The following CYP7A1 variants were observed in gnomAD, a reference collection of about 807,000 sequenced individuals.
CYP7A1 encodes cytochrome P450 family 7 subfamily A member 1.
In CYP7A1, 28 loss-of-function variants were observed where a neutral mutation model predicts 43.8. The observed-to-expected ratio is 0.64, with a 90% CI of 0.47 to 0.88. CYP7A1 has a LOEUF of 0.88. CYP7A1 is among the 40% of genes least tolerant of loss of function. CYP7A1 has a pLI of 0.00. For synonymous variants in CYP7A1, 227 were observed against 222.5 expected (o/e 1.02, Z -0.18); for missense variants, 637 against 611.9 (o/e 1.04, Z -0.43).
chr8:58,498,609 T>C, intron 1 of CYP7A1, 140 bp from the exon 2 acceptor site: 1 of 820,540 alleles, frequency 1.2e-6, no homozygotes, highest in Non-Finnish European at 2.0e-6. Flanking sequence ...GGATGGGCCC[T>C]GCTCTTTTAC....
chr8:58,496,968 C>A lies in CYP7A1; in HGVS notation c.544G>T (p.Ala182Ser), dbSNP rs747138282. Residue 182 changes from alanine to serine, a missense_variant, in exon 3 of 6, where the codon GCT becomes TCT. Ala to Ser is a moderately conservative substitution (Grantham distance 99, BLOSUM62 1). Transcript: ENST00000301645. ...CTGCCAAAGATAGTTAAATACCCAG[C>A]TTCAAACATCACTCGGTAGCAGAAA... Reference protein sequence around the residue: ...YSFCYRVMFEAGYLTIFGRDL... With the variant: ...YSFCYRVMFESGYLTIFGRDL... 13 of 1,614,204 alleles carry A rather than the reference C, an allele frequency of 8.1e-6. No homozygotes were observed. The highest frequency in any genetic ancestry group is 5.9e-6 in the Non-Finnish European group (7 of 1,180,034).
intron 4 of CYP7A1, 146 bp from the exon 5 acceptor site, chr8:58,492,674 G>C (rs1809370716): frequency 3.0e-6 from 2 of 674,492 alleles, no homozygotes; most frequent in Non-Finnish European, 5.1e-6. Context: ...GATGAACAGG[G>C]TATGGGAAGC....
At chr8:58,499,985 T>C in intron 1 of CYP7A1, 34 bp downstream of exon 1, 1 of 1,562,972 alleles carries the variant, frequency 6.4e-7, no homozygotes, top group Non-Finnish European at 8.8e-7. Flanking sequence ...AATGGATGAA[T>C]CAAAGAGCAA....
rs922546527 is a variant in CYP7A1 at position 58,497,190 on chromosome 8, C to G, written c.322G>C (p.Ala108Pro). 1 of 1,597,684 alleles carries G rather than the reference C, an allele frequency of 6.3e-7. No homozygotes were observed. Among genetic ancestry groups the G allele is most frequent in the African/African-American group, 1.3e-5 (1 of 74,856 alleles). Residue 108 changes from alanine (A) to proline (P), a missense_variant and splice_region_variant, in exon 3 of 6, where the codon GCA (alanine) becomes CCA (proline). By Grantham distance (27) the Ala-to-Pro change is conservative. Coordinates refer to ENST00000301645, the MANE Select transcript of CYP7A1 (RefSeq NM_000780.4). ...KKFHFATSAK[A>P]FGHRSIDPMD... The stretch of plus-strand genomic sequence containing the variant: ...GGGTCAATGCTTCTGTGCCCAAATG[C>G]CTGATAGCAAATAAAACATGCAGAA...
chr8:58,496,297 C>A (rs991223932), intron 3 of CYP7A1, among the ~76,000 whole-genome samples: 5 of 152,170 alleles, frequency 3.3e-5, no homozygotes, highest in Non-Finnish European at 7.3e-5. Flanking sequence ...GGGTTAAGAG[C>A]AAGGGCTCTG....
chr8:58,493,348 A>G (rs762858894), intron 4 of CYP7A1, among the ~76,000 whole-genome samples: 3 of 152,224 alleles, frequency 2.0e-5, no homozygotes, highest in Non-Finnish European at 4.4e-5. Context: ...CAACATTTAC[A>G]AGAACCTATT....
At position 58,492,360 on chromosome 8, in the gene CYP7A1, T is replaced by A. The variant is rs1251060298; in HGVS notation, c.1208A>T (p.Asp403Val). ...LMHLDPEIYP[D>V]PLTFKYDRYL... Reference sequence around the variant, plus strand: ...CAATGGGCAGGCACTTACCAAAGGGTCTGGGTAGATTTCTGGATCTAAGTG... The same window carrying A: ...CAATGGGCAGGCACTTACCAAAGGGACTGGGTAGATTTCTGGATCTAAGTG... Residue 403 changes from aspartate (D) to valine (V), a missense_variant, in exon 5 of 6, where the codon GAC becomes GTC. Coordinates refer to ENST00000301645, the MANE Select transcript of CYP7A1 (RefSeq NM_000780.4). The A allele has an allele frequency of 6.2e-7, 1 of 1,613,412 alleles. No homozygotes were observed. Among genetic ancestry groups the A allele is most frequent in the Admixed American group, 1.7e-5 (1 of 60,010 alleles).
chr8:58,490,508 C>G lies in CYP7A1; in HGVS notation c.*967G>C, dbSNP rs1003600453. ...AACCAAAGCTTCCAAATGGCTATTT[C>G]CATCCAGTTTTAACTTTAAAACATA... On this transcript the variant is annotated 3_prime_UTR_variant, in exon 6 of 6. Transcript: ENST00000301645. 6 of 152,146 alleles carry G rather than the reference C, an allele frequency of 3.9e-5. No individual in the cohort carries two copies. Among genetic ancestry groups the G allele is most frequent in the Admixed American group, 3.3e-4 (5 of 15,276 alleles). 9.4% of individuals were successfully genotyped at this position (152,146 alleles called of 1,614,324 possible).
rs748713078 is a variant in CYP7A1 at position 58,494,563 on chromosome 8, A to G, written c.982T>C (p.Leu328=). 1.2e-6 allele frequency: 2 copies of G among 1,614,144 alleles called. No individual in the cohort carries two copies. Among genetic ancestry groups the G allele is most frequent in the South Asian group, 1.1e-5 (1 of 91,086 alleles). The part of the protein sequence containing the change: ...TLENAGQKVS[L]EGNPICLSQA... The stretch of plus-strand genomic sequence containing the variant: ...CTCAAACAAATAGGATTGCCTTCCA[A>G]GCTGACTTTTTGACCAGCATTCTCT... The change falls in exon 4 of 6, where the codon TTG becomes CTG. Residue 328 remains leucine, a synonymous_variant. Transcript: ENST00000301645.
Position 58,500,052 on chromosome 8 carries a change from C to T in CYP7A1, c.47G>A (p.Cys16Tyr), listed in dbSNP as rs748850568. The T allele has an allele frequency of 2.5e-6, 4 of 1,612,948 alleles. No homozygotes were observed. Among genetic ancestry groups the T allele is most frequent in the Admixed American group, 3.3e-5 (2 of 60,008 alleles). ...LIWGIAIAAC[C>Y]CLWLILGIRR... ...AATTCCAAGAATAAGCCATAGACAA[C>T]AGCATGCTGCTATAGCAATCCCCCA... The change falls in exon 1 of 6, where the codon TGT becomes TAT. Residue 16 changes from cysteine to tyrosine, a missense_variant. Transcript: ENST00000301645.
At chr8:58,493,529 A>C (rs996237172) in intron 4 of CYP7A1, among the ~76,000 whole-genome samples, 1 of 152,198 alleles carries the variant, frequency 6.6e-6, no homozygotes, top group Non-Finnish European at 1.5e-5. Flanking sequence ...TGCTCATCAC[A>C]TGATTGTGTA....
chr8:58,493,074 A>G (rs1450326898), intron 4 of CYP7A1, among the ~76,000 whole-genome samples: 2 of 152,186 alleles, frequency 1.3e-5, no homozygotes, highest in Non-Finnish European at 2.9e-5. Context: ...CCTGGCCTGA[A>G]TGTATCTTTA....
In CYP7A1 at chr8:58,498,471, T is replaced by G; in HGVS notation, c.81-2A>C. On this transcript the variant is annotated splice_acceptor_variant, in intron 1 of 5. Coordinates refer to ENST00000301645, the MANE Select transcript of CYP7A1 (RefSeq NM_000780.4). LOFTEE classifies it high-confidence loss of function. ...TCTAGAGGTGGTTCACCCGTTTGCC[T>G]GTCAGACACAAGTGTATGATAGACA... is the stretch of plus-strand genomic sequence containing the variant. 6.2e-7 allele frequency: 1 copy of G among 1,614,070 alleles called. No individual in the cohort carries two copies. Among genetic ancestry groups the G allele is most frequent in the South Asian group, 1.1e-5 (1 of 91,082 alleles).
Position 58,498,424 on chromosome 8 carries a change from CA to C in CYP7A1, c.125del (p.Leu42ArgfsTer30). On this transcript the variant is annotated frameshift_variant, in exon 2 of 6. Transcript: ENST00000301645. LOFTEE classifies it high-confidence loss of function. ...TGGCACCAAATTGCAGAGCACAGCC[CA>C]GGTATGGAATTAATCCATTCTCTAG... ...PPLENGLIPY[L>X]GCALQFGANP... is the part of the protein sequence containing the mutation. 1 of 1,614,116 alleles carries C rather than the reference CA, an allele frequency of 6.2e-7. No homozygotes were observed. The highest frequency in any genetic ancestry group is 8.5e-7 in the Non-Finnish European group (1 of 1,179,980).
At chr8:58,495,271 G>A (rs1809421832) in intron 3 of CYP7A1, among the ~76,000 whole-genome samples, 1 of 97,134 alleles carries the variant, frequency 1.0e-5, no homozygotes, top group Non-Finnish European at 2.0e-5. Context: ...TGTCGCCCAG[G>A]CTGGAGTGCA....
chr8:58,496,706 G>T lies in CYP7A1; in HGVS notation c.806C>A (p.Thr269Asn). 5 of 1,614,198 alleles carry T rather than the reference G, an allele frequency of 3.1e-6. No homozygotes were observed. The highest frequency in any genetic ancestry group is 4.2e-6 in the Non-Finnish European group (5 of 1,180,030). The change falls in exon 3 of 6, where the codon ACC (threonine) becomes AAC (asparagine). Residue 269 changes from threonine to asparagine, a missense_variant. By Grantham distance (65) the Thr-to-Asn change is moderately conservative. Transcript: ENST00000301645. Reference protein sequence around the residue: ...LRMFLNDTLSTFDDLEKAKTH... With the variant: ...LRMFLNDTLSNFDDLEKAKTH... ...CTTGGCCTTCTCCAGATCATCAAAG[G>T]TGGACAAAGTGTCATTGAGAAACAT...
Position 58,498,320 on chromosome 8 carries a change from T to G in CYP7A1, c.230A>C (p.His77Pro). The G allele has an allele frequency of 6.2e-7, 1 of 1,614,156 alleles. No homozygotes were observed. The highest frequency in any genetic ancestry group is 8.5e-7 in the Non-Finnish European group (1 of 1,180,000). ...FTCKLMGKYVHFITNPLSYHK... is the reference protein window; with the variant it reads ...FTCKLMGKYVPFITNPLSYHK... ...GTATGACAAGGGATTTGTGATGAAA[T>G]GGACATATTTTCCCATTAGTTTGCA... The change falls in exon 2 of 6, where the codon CAT becomes CCT. Residue 77 changes from histidine (H) to proline (P), a missense_variant. His to Pro is a moderately conservative substitution (Grantham distance 77). Coordinates refer to ENST00000301645, the MANE Select transcript of CYP7A1 (RefSeq NM_000780.4).
At position 58,498,316 on chromosome 8, in the gene CYP7A1, G is replaced by A. The variant is rs1421941457; in HGVS notation, c.234C>T (p.Phe78=). ...TCKLMGKYVH[F]ITNPLSYHKV... Reference sequence around the variant, plus strand: ...TATGGTATGACAAGGGATTTGTGATGAAATGGACATATTTTCCCATTAGTT... The same window carrying A: ...TATGGTATGACAAGGGATTTGTGATAAAATGGACATATTTTCCCATTAGTT... Residue 78 remains phenylalanine (F), a synonymous_variant, in exon 2 of 6, where the codon TTC becomes TTT. Coordinates refer to ENST00000301645, the MANE Select transcript of CYP7A1 (RefSeq NM_000780.4). 3 of 1,614,084 alleles carry A rather than the reference G, an allele frequency of 1.9e-6. No homozygotes were observed. Among genetic ancestry groups the A allele is most frequent in the African/African-American group, 2.7e-5 (2 of 75,050 alleles).
At chr8:58,497,635 G>T (rs982313893) in intron 2 of CYP7A1, among the ~76,000 whole-genome samples, 1 of 152,150 alleles carries the variant, frequency 6.6e-6, no homozygotes, top group Non-Finnish European at 1.5e-5. Context: ...TCCTGCCTCA[G>T]CCTCTCAAAT....
Sources: allele counts gnomAD v4.1 joint callset (sites outside exome capture counted in the v4.1 genomes callset), GRCh38; gene constraint gnomAD v4.1.1; transcripts MANE v1.5; gene names NCBI Gene and HGNC (gene_info 2026-07-23, HGNC 2026-07-21).